The following BFAR variants were observed in gnomAD, a reference collection of about 807,000 sequenced individuals.
BFAR encodes bifunctional apoptosis regulator.
A neutral mutation model predicts 54.4 loss-of-function variants in BFAR; 52 were observed. The ratio of observed to expected loss-of-function variants is 0.96; its 90% CI spans 0.77 to 1.21. The LOEUF is 1.21. Among genes scored for constraint, BFAR ranks in the 50% most tolerant of loss-of-function variants. The pLI is 0.00. For missense variants in BFAR, 571 were observed against 534.0 expected (o/e 1.07, Z -0.68); for synonymous variants, 215 against 204.3 (o/e 1.05, Z -0.45).
At chr16:14,647,829 G>T (rs899096091) in intron 2 of BFAR, among the ~76,000 whole-genome samples, 6 of 152,146 alleles carry the variant, frequency 3.9e-5, no homozygotes, top group Non-Finnish European at 8.8e-5. Context: ...TCCAGCAAAT[G>T]CATTTAAAAT....
chr16:14,634,432 G>A (rs965990434), intron 1 of BFAR, among the ~76,000 whole-genome samples: 5 of 152,168 alleles, frequency 3.3e-5, no homozygotes, highest in African/African-American at 7.2e-5. Flanking sequence ...CCACTAAGTA[G>A]GTAGCCATCA....
chr16:14,651,986 A>G (rs1959982773), intron 4 of BFAR, among the ~76,000 whole-genome samples: 1 of 147,632 alleles, frequency 6.8e-6, no homozygotes, highest in South Asian at 2.2e-4. Flanking sequence ...TCCTGGGTTC[A>G]AGCGATTCTC....
chr16:14,659,244 G>GTTTTTTTT (rs1404121780), intron 5 of BFAR, among the ~76,000 whole-genome samples: 1 of 141,280 alleles, frequency 7.1e-6, no homozygotes, highest in African/African-American at 2.7e-5. Context: ...GTTTTTTTTT[G>GTTTTTTTT]TTTTTTGTTT....
In BFAR at chr16:14,644,435, G is replaced by A; in HGVS notation, c.89G>A (p.Ser30Asn). 6.2e-7 allele frequency: 1 copy of A among 1,614,040 alleles called. No homozygotes were observed. The highest frequency in any genetic ancestry group is 8.5e-7 in the Non-Finnish European group (1 of 1,179,988). ...LKSTGPQISV[S>N]EFSCHCCYDI... ...AGCACCGGCCCTCAGATTTCTGTTA[G>A]TGAATTTTCTTGCCACTGCTGCTAC... Residue 30 changes from serine (S) to asparagine (N), a missense_variant, in exon 2 of 8, where the codon AGT becomes AAT. Transcript: ENST00000261658.
At chr16:14,640,579 A>G (rs1253407325) in intron 1 of BFAR, among the ~76,000 whole-genome samples, 1 of 152,176 alleles carries the variant, frequency 6.6e-6, no homozygotes, top group East Asian at 1.9e-4. Context: ...CAGGTGAAGG[A>G]AAGCCTCCCT....
chr16:14,667,577 C>T (rs967693113), intron 7 of BFAR, 58 bp from the exon 8 acceptor site: 4 of 1,500,040 alleles, frequency 2.7e-6, no homozygotes, highest in Non-Finnish European at 3.7e-6. Context: ...AGGGCCCGGA[C>T]TCCTGGGTGT....
intron 4 of BFAR, among the ~76,000 whole-genome samples, chr16:14,652,425 C>T (rs565232472): frequency 2.6e-4 from 39 of 151,070 alleles, no homozygotes; most frequent in African/African-American, 7.8e-4. Context: ...GGATTATAGG[C>T]GCCTGCCATC....
chr16:14,643,830 G>A (rs1289521425), intron 1 of BFAR: 1 of 151,814 alleles, frequency 6.6e-6, no homozygotes. Context: ...AGGTTTTCTG[G>A]TCTTTATCAG....
In BFAR at chr16:14,667,889, A is replaced by C. The variant is rs1433701466; in HGVS notation, c.*62A>C. On this transcript the variant is annotated 3_prime_UTR_variant, in exon 8 of 8. Transcript: ENST00000261658. ...TGACGTCTGAGCTTTGATGCTTAAGAGGGGTGAGGCAGGGAGCGGACTTCC... is the reference window on the plus strand; with the variant it reads ...TGACGTCTGAGCTTTGATGCTTAAGCGGGGTGAGGCAGGGAGCGGACTTCC... 12 of 1,524,372 alleles carry C rather than the reference A, an allele frequency of 7.9e-6. No individual in the cohort carries two copies. Among genetic ancestry groups the C allele is most frequent in the African/African-American group, 1.4e-5 (1 of 72,478 alleles). The allele number at this position is 1,524,372 out of a possible 1,614,324, so 94.4% of individuals were successfully genotyped here.
intron 4 of BFAR, among the ~76,000 whole-genome samples, chr16:14,651,003 A>T (rs139343921): frequency 1.6e-4 from 25 of 152,270 alleles, no homozygotes; most frequent in African/African-American, 5.8e-4. Flanking sequence ...AATTCTCTCT[A>T]ATCACAAGAA....
At chr16:14,659,363 T>A (rs1443760779) in intron 5 of BFAR, among the ~76,000 whole-genome samples, 4 of 151,810 alleles carry the variant, frequency 2.6e-5, no homozygotes, top group Non-Finnish European at 5.9e-5. Flanking sequence ...TGCCTCAGCC[T>A]CCCAAGTAGC....
At chr16:14,640,908 TC>T (rs1959604758) in intron 1 of BFAR, among the ~76,000 whole-genome samples, 1 of 152,206 alleles carries the variant, frequency 6.6e-6, no homozygotes, top group African/African-American at 2.4e-5. Flanking sequence ...CCGAGGCATC[TC>T]TCCAGATACC....
intron 3 of BFAR, 136 bp from the exon 4 acceptor site, chr16:14,649,668 T>G: frequency 2.8e-6 from 2 of 713,068 alleles, no homozygotes; most frequent in Non-Finnish European, 4.3e-6. Flanking sequence ...CTGCTTTTGT[T>G]GCCCTGCTTC....
At position 14,638,664 on chromosome 16, in the gene BFAR, G is replaced by A. The variant is rs552196072; in HGVS notation, c.-73-5610G>A. Among the ~76,000 whole-genome samples the A allele has an allele frequency of 3.9e-5, 6 of 152,332 alleles. 1 individual carries two copies. The highest frequency in any genetic ancestry group is 1.2e-4 in the African/African-American group (5 of 41,582). ...ATAAGTAAGGGTATAAAAATTCTTA[G>A]CCTGGGTGCAGTGGCTCACGCCTGT... On this transcript the variant is annotated intron_variant, in intron 1 of 7. Coordinates refer to ENST00000261658, the MANE Select transcript of BFAR (RefSeq NM_016561.3).
intron 5 of BFAR, among the ~76,000 whole-genome samples, chr16:14,659,867 C>T (rs1414393096): frequency 6.6e-6 from 1 of 152,160 alleles, no homozygotes; most frequent in African/African-American, 2.4e-5. Context: ...GTATACATTT[C>T]TAAAGAGAAA....
chr16:14,651,453 C>T (rs1015487823), intron 4 of BFAR, among the ~76,000 whole-genome samples: 1 of 152,192 alleles, frequency 6.6e-6, no homozygotes, highest in Non-Finnish European at 1.5e-5. Context: ...TCCAGAAGCT[C>T]ACTGAATCCT....
chr16:14,639,684 T>G (rs1487191797), intron 1 of BFAR, among the ~76,000 whole-genome samples: 1 of 152,190 alleles, frequency 6.6e-6, no homozygotes, highest in Non-Finnish European at 1.5e-5. Context: ...AGTCTTTCCT[T>G]TTCTTTTAGG....
chr16:14,633,713 A>C (rs1378910824), intron 1 of BFAR, among the ~76,000 whole-genome samples: 1 of 152,006 alleles, frequency 6.6e-6, no homozygotes, highest in Non-Finnish European at 1.5e-5. Flanking sequence ...AGTGCGGTGG[A>C]GCAATCTCGG....
At chr16:14,642,427 GATCTGTGTC>G (rs1216929022) in intron 1 of BFAR, among the ~76,000 whole-genome samples, 1 of 152,080 alleles carries the variant, frequency 6.6e-6, no homozygotes, top group Non-Finnish European at 1.5e-5. Context: ...CCAACTCCAA[GATCTGTGTC>G]ATACTACTTC....
Sources: allele counts gnomAD v4.1 joint callset (sites outside exome capture counted in the v4.1 genomes callset), GRCh38; gene constraint gnomAD v4.1.1; transcripts MANE v1.5; gene names NCBI Gene and HGNC (gene_info 2026-07-23, HGNC 2026-07-21).